Variants in SLC16A2 observed in about 807,000 individuals in gnomAD.
The protein encoded by SLC16A2 is monocarboxylate transporter 8.
SLC16A2 carries 3 observed loss-of-function variants against 27.2 expected under a neutral mutation model. The observed-to-expected ratio is 0.11, with a 90% CI of 0.05 to 0.28. SLC16A2 has a LOEUF of 0.28. Among genes scored for constraint, SLC16A2 ranks in the 10% least tolerant of loss-of-function variants. The probability of loss-of-function intolerance (pLI) is 1.00; values close to 1 mark genes in which losing one functional copy is unlikely to be tolerated. For synonymous variants in SLC16A2, 202 were observed against 187.8 expected (o/e 1.08, Z -0.62); for missense variants, 295 against 458.5 (o/e 0.64, Z 3.26).
chrX:74,475,258 T>G (rs1290252071), intron 1 of SLC16A2, among the ~76,000 whole-genome samples: 34 of 108,943 alleles, frequency 3.1e-4, no homozygotes, highest in African/African-American at 1.7e-4. Flanking sequence ...TCATGTGTCT[T>G]TTGGCTGCAT....
At chrX:74,430,504 T>C (rs1347179756) in intron 1 of SLC16A2, among the ~76,000 whole-genome samples, 1 of 112,078 alleles carries the variant, frequency 8.9e-6, no homozygotes, top group African/African-American at 3.2e-5. Context: ...TAACTACCCA[T>C]TTTACTCTAC....
Position 74,432,995 on chromosome X carries a change from C to G in SLC16A2, c.430+10928C>G, listed in dbSNP as rs190865130. Among the ~76,000 whole-genome samples, 19 of 112,127 alleles carry G rather than the reference C, an allele frequency of 1.7e-4. No homozygotes were observed. In the East Asian group the frequency reaches 4.8e-3, roughly 28 times the overall value. On this transcript the variant is annotated intron_variant, in intron 1 of 5. Transcript: ENST00000587091. ...TCTGGTGTGTCCCTTCAGAGATACT[C>G]TGTATATGTACAAGCAATTGTGTGT...
intron 1 of SLC16A2, among the ~76,000 whole-genome samples, chrX:74,504,731 C>T (rs1930093842): frequency 8.9e-6 from 1 of 112,541 alleles, no homozygotes. Context: ...TGGCTCACGC[C>T]TGCAGTCCCA....
rs191469101 is a variant in SLC16A2, at chrX:74,478,132, G to T, written c.431-42858G>T. On this transcript the variant is annotated intron_variant, in intron 1 of 5. Transcript: ENST00000587091. ...ATTGTGTGGGAGTCTAAGTCTCTTT[G>T]TAGGTCTCTAAGGACTTGCTTTATG... Among the ~76,000 whole-genome samples the T allele has an allele frequency of 7.4e-4, 83 of 111,843 alleles. 1 individual carries two copies. In the East Asian group the frequency reaches 0.02, roughly 27 times the overall value.
At chrX:74,424,740 T>A (rs1185732833) in intron 1 of SLC16A2, among the ~76,000 whole-genome samples, 1 of 112,146 alleles carries the variant, frequency 8.9e-6, no homozygotes, top group Non-Finnish European at 1.9e-5. Flanking sequence ...CGTAACCCAA[T>A]TTCTCTTTGA....
intron 1 of SLC16A2, among the ~76,000 whole-genome samples, chrX:74,437,475 A>C (rs1928649106): frequency 8.9e-6 from 1 of 111,890 alleles, no homozygotes; most frequent in African/African-American, 3.3e-5. Context: ...TACCCTACAC[A>C]TCTTGGCCAG....
chrX:74,507,087 C>T (rs1170022757), intron 1 of SLC16A2, among the ~76,000 whole-genome samples: 1 of 108,276 alleles, frequency 9.2e-6, no homozygotes, highest in Admixed American at 1.0e-4. Flanking sequence ...ACTGGGACTA[C>T]AGGCCCGTGC....
intron 1 of SLC16A2, among the ~76,000 whole-genome samples, chrX:74,518,063 G>GA (rs916982876): frequency 2.7e-5 from 3 of 109,729 alleles, no homozygotes; most frequent in Non-Finnish European, 5.7e-5. Flanking sequence ...GCACAATTAT[G>GA]AAAAAAAAAG....
At chrX:74,455,530 T>G (rs1304503716) in intron 1 of SLC16A2, among the ~76,000 whole-genome samples, 1 of 111,471 alleles carries the variant, frequency 9.0e-6, no homozygotes, top group Non-Finnish European at 1.9e-5. Context: ...ATGAAGAATG[T>G]GCAGGATAGG....
Position 74,521,026 on chromosome X carries a change from T to G in SLC16A2, c.467T>G (p.Phe156Cys). 8.3e-7 allele frequency: 1 copy of G among 1,211,699 alleles called. No homozygotes were observed. The highest frequency in any genetic ancestry group is 1.1e-6 in the Non-Finnish European group (1 of 895,370). ...VGALAMGMIF[F>C]CSPIVSIFTD... is the part of the protein sequence containing the mutation. ...GCCCTCGCGATGGGTATGATCTTCTTCTGTTCTCCCATTGTGAGTATATTC... is the reference window on the plus strand; with the variant it reads ...GCCCTCGCGATGGGTATGATCTTCTGCTGTTCTCCCATTGTGAGTATATTC... The change falls in exon 2 of 6, where the codon TTC becomes TGC. Residue 156 changes from phenylalanine (F) to cysteine (C), a missense_variant. Coordinates refer to ENST00000587091, the MANE Select transcript of SLC16A2 (RefSeq NM_006517.5).
At chrX:74,490,962 C>T (rs773814336) in intron 1 of SLC16A2, among the ~76,000 whole-genome samples, 1 of 111,708 alleles carries the variant, frequency 9.0e-6, no homozygotes, top group Non-Finnish European at 1.9e-5. Context: ...CTCGGGAGGA[C>T]TTACCAGTTC....
At chrX:74,467,175 G>C (rs1929266658) in intron 1 of SLC16A2, among the ~76,000 whole-genome samples, 1 of 111,900 alleles carries the variant, frequency 8.9e-6, no homozygotes, top group African/African-American at 3.2e-5. Flanking sequence ...GCTCCATCTA[G>C]AGAAAGCTAA....
intron 1 of SLC16A2, among the ~76,000 whole-genome samples, chrX:74,492,661 A>G (rs1929852148): frequency 9.0e-6 from 1 of 110,942 alleles, no homozygotes; most frequent in Non-Finnish European, 1.9e-5. Flanking sequence ...TTACTCATTC[A>G]TTACTGCTCT....
intron 2 of SLC16A2, among the ~76,000 whole-genome samples, chrX:74,523,104 C>T (rs1403857911): frequency 8.9e-6 from 1 of 112,202 alleles, no homozygotes; most frequent in Non-Finnish European, 1.9e-5. Flanking sequence ...TGGATAAGGC[C>T]CCCAAGCCAG....
intron 1 of SLC16A2, among the ~76,000 whole-genome samples, chrX:74,499,202 C>T (rs1254843803): frequency 4.5e-5 from 5 of 111,490 alleles, no homozygotes; most frequent in Non-Finnish European, 7.5e-5. Context: ...TCCCCTCATT[C>T]TTAATATCTG....
In SLC16A2 at chrX:74,451,456, T is replaced by G. The variant is rs758853915; in HGVS notation, c.430+29389T>G. ...AGGTTTGTTCCAGTTCTGATGTTTT[T>G]TCTCTGACTGTGTGAGATTATTCAG... On this transcript the variant is annotated intron_variant, in intron 1 of 5. Transcript: ENST00000587091. 3.6e-5 allele frequency among the ~76,000 whole-genome samples: 4 copies of G among 112,656 alleles called. No homozygotes were observed. In the South Asian group the frequency reaches 1.5e-3, roughly 41 times the overall value.
chrX:74,456,613 C>G (rs933827894), intron 1 of SLC16A2, among the ~76,000 whole-genome samples: 1 of 112,209 alleles, frequency 8.9e-6, no homozygotes, highest in African/African-American at 3.2e-5. Flanking sequence ...AAAGAGCCTA[C>G]CTTTGGGTAC....
rs35923153 is a variant in SLC16A2, at chrX:74,517,923, C to T, written c.431-3067C>T. Among the ~76,000 whole-genome samples, 792 of 112,090 alleles carry T rather than the reference C, an allele frequency of 7.1e-3. 8 individuals carry two copies. Among genetic ancestry groups the T allele is most frequent in the African/African-American group, 0.024 (753 of 30,881 alleles). On this transcript the variant is annotated intron_variant, in intron 1 of 5. Coordinates refer to ENST00000587091, the MANE Select transcript of SLC16A2 (RefSeq NM_006517.5). ...GTCTGGCTTCGTTTACTTAGCATAA[C>T]GCCTTTGAGATTGTTCAAGTTTCAG...
At chrX:74,503,143 C>A (rs1930066640) in intron 1 of SLC16A2, among the ~76,000 whole-genome samples, 1 of 109,820 alleles carries the variant, frequency 9.1e-6, no homozygotes, top group African/African-American at 3.3e-5. Flanking sequence ...GCCTTTAAGA[C>A]CCTGACATTA....
Sources: gnomAD v4.1 joint callset for allele counts (sites outside exome capture counted in the v4.1 genomes callset) on GRCh38, gnomAD v4.1.1 for gene constraint, MANE v1.5 for transcripts, NCBI Gene and HGNC (gene_info 2026-07-23, HGNC 2026-07-21) for gene names.